The following CTNS variants were observed in gnomAD, a reference collection of about 807,000 sequenced individuals.
CTNS encodes the protein cystinosin, lysosomal cystine transporter, also known as cystinosin.
Under a neutral mutation model 43.7 loss-of-function variants are expected in CTNS, and 27 were observed. The observed-to-expected ratio is 0.62, with a 90% CI of 0.46 to 0.85. CTNS has a LOEUF of 0.85. Among genes scored for constraint, CTNS ranks in the 40% least tolerant of loss-of-function variants. The pLI is 0.00. For synonymous variants in CTNS, 187 were observed against 190.6 expected (o/e 0.98, Z 0.16); for missense variants, 457 against 475.4 (o/e 0.96, Z 0.36).
intron 4 of CTNS, 23 bp downstream of exon 4, chr17:3,647,545 G>A (rs747371532): frequency 5.6e-6 from 9 of 1,611,146 alleles, no homozygotes; most frequent in Non-Finnish European, 2.5e-6. Flanking sequence ...GCCTGGCGCT[G>A]TGCTCAGCTC....
At position 3,660,615 on chromosome 17, in the gene CTNS, A is replaced by G; in HGVS notation, c.*246A>G. ...TTGACACCGCCATCTCTTTTCTTTA[A>G]GGCTTCAGGCAGCGCGCACAGGCTC... On this transcript the variant is annotated 3_prime_UTR_variant, in exon 12 of 12. Transcript: ENST00000046640. 6.2e-7 allele frequency: 1 copy of G among 1,613,476 alleles called. No homozygotes were observed. The highest frequency in any genetic ancestry group is 8.5e-7 in the Non-Finnish European group (1 of 1,180,030).
rs1265750666 is a variant in CTNS, at chr17:3,662,978, CT to C, written c.*2611del. On this transcript the variant is annotated 3_prime_UTR_variant, in exon 12 of 12. Transcript: ENST00000046640. ...CGGTAACCAAAGTAAGGCTTGTGCA[CT>C]TGCTGAGCTTCCAGATGCGAATTAG... 6.6e-6 allele frequency: 1 copy of C among 152,202 alleles called. No homozygotes were observed. The highest frequency in any genetic ancestry group is 1.5e-5 in the Non-Finnish European group (1 of 68,036). The allele number at this position is 152,202 out of a possible 1,614,324, so 9.4% of individuals were successfully genotyped here. A position where few individuals can be genotyped will look rare whatever the true frequency, so the allele number is the denominator to read the frequency against.
At chr17:3,655,550 C>A in intron 7 of CTNS, 198 bp downstream of exon 7, 1 of 696,882 alleles carries the variant, frequency 1.4e-6, no homozygotes, top group South Asian at 1.7e-5. Context: ...CCTTGCCCAG[C>A]TCAGCCCCTC....
In CTNS at chr17:3,660,246, G is replaced by T. The variant is rs779967932; in HGVS notation, c.981G>T (p.Thr327=). 5 of 1,614,240 alleles carry T rather than the reference G, an allele frequency of 3.1e-6. No individual in the cohort carries two copies. In the South Asian group the frequency reaches 5.5e-5, roughly 18 times the overall value. ...CCCGGCTGCTAACAGACCAGTGGAC[G>T]CTGATCTTCGGAGACCCAACCAAGT... ...FLQSYNNDQW[T]LIFGDPTKFG... The change falls in exon 12 of 12, where the codon ACG becomes ACT. Residue 327 remains threonine (T), a synonymous_variant. Coordinates refer to ENST00000046640, the MANE Select transcript of CTNS (RefSeq NM_004937.3).
chr17:3,660,505 C>T lies in CTNS; in HGVS notation c.*136C>T. The T allele has an allele frequency of 6.2e-7, 1 of 1,612,476 alleles. No homozygotes were observed. The highest frequency in any genetic ancestry group is 1.1e-5 in the South Asian group (1 of 90,870). ...TGTGCGGACAGAGGAGACCACTCTG[C>T]TCCTGGGGCCAGAGGCCATTCAATA... On this transcript the variant is annotated 3_prime_UTR_variant, in exon 12 of 12. Coordinates refer to ENST00000046640, the MANE Select transcript of CTNS (RefSeq NM_004937.3).
chr17:3,639,438 C>T (rs1049607430), intron 2 of CTNS, among the ~76,000 whole-genome samples: 3 of 152,036 alleles, frequency 2.0e-5, no homozygotes, highest in Non-Finnish European at 2.9e-5. Flanking sequence ...GAGGCTGAGG[C>T]GGGCGGATCA....
chr17:3,642,596 A>G (rs1450859240), intron 3 of CTNS, among the ~76,000 whole-genome samples: 4 of 152,158 alleles, frequency 2.6e-5, no homozygotes, highest in African/African-American at 7.2e-5. Context: ...CTGAGGTAGG[A>G]GAATCGCTTG....
chr17:3,644,979 T>G (rs949802667), intron 3 of CTNS, among the ~76,000 whole-genome samples: 2 of 152,188 alleles, frequency 1.3e-5, no homozygotes, highest in Non-Finnish European at 2.9e-5. Context: ...CCACTACCTC[T>G]GGCAGAGCCC....
Position 3,660,285 on chromosome 17 carries a change from C to G in CTNS, c.1020C>G (p.Val340=), listed in dbSNP as rs759909683. The G allele has an allele frequency of 2.3e-5, 37 of 1,614,118 alleles. No homozygotes were observed. Among genetic ancestry groups the G allele is most frequent in the Non-Finnish European group, 3.1e-5 (36 of 1,180,048 alleles). ...ACCCAACCAAGTTTGGACTCGGGGT[C>G]TTCTCCATCGTCTTCGACGTCGTCT... ...FGDPTKFGLG[V]FSIVFDVVFF... Residue 340 remains valine (V), a synonymous_variant, in exon 12 of 12, where the codon GTC becomes GTG. Coordinates refer to ENST00000046640, the MANE Select transcript of CTNS (RefSeq NM_004937.3).
rs768340283 is a variant in CTNS at position 3,658,092 on chromosome 17, G to C, written c.769G>C (p.Val257Leu). 1 of 1,612,318 alleles carries C rather than the reference G, an allele frequency of 6.2e-7. No individual in the cohort carries two copies. Among genetic ancestry groups the C allele is most frequent in the East Asian group, 2.2e-5 (1 of 44,884 alleles). The change falls in exon 10 of 12, where the codon GTG (valine) becomes CTG (leucine). Residue 257 changes from valine to leucine, a missense_variant. By Grantham distance (32) the Val-to-Leu change is conservative. Coordinates refer to ENST00000046640, the MANE Select transcript of CTNS (RefSeq NM_004937.3). The stretch of plus-strand genomic sequence containing the variant: ...ATTTGTCACCATGATCGTGGCTGCA[G>C]TGGGAGTGACCACGTGGCTGCAGTT... Reference protein sequence around the residue: ...FAFVTMIVAAVGVTTWLQFLF... With the variant: ...FAFVTMIVAALGVTTWLQFLF...
At chr17:3,646,993 T>C (rs765618749) in intron 3 of CTNS, among the ~76,000 whole-genome samples, 16 of 152,184 alleles carry the variant, frequency 1.1e-4, no homozygotes, top group Non-Finnish European at 2.1e-4. Flanking sequence ...TGTGTCTCTC[T>C]GAGAGTGCAG....
At chr17:3,650,164 C>G in intron 5 of CTNS, 2 of 1,549,800 alleles carry the variant, frequency 1.3e-6, no homozygotes, top group Non-Finnish European at 1.7e-6. Flanking sequence ...TCAATGATAC[C>G]TTAATAAAGC....
rs2076262171 is a variant in CTNS at position 3,660,660 on chromosome 17, G to T, written c.*291G>T. ...AGGCTCTGGCAGCCGTCTCAGGCAG[G>T]ACTGGGCACCAAGCTTGCAGCCGAA... is the stretch of plus-strand genomic sequence containing the variant. On this transcript the variant is annotated 3_prime_UTR_variant, in exon 12 of 12. Coordinates refer to ENST00000046640, the MANE Select transcript of CTNS (RefSeq NM_004937.3). The T allele has an allele frequency of 6.2e-7, 1 of 1,613,516 alleles. No individual in the cohort carries two copies. Among genetic ancestry groups the T allele is most frequent in the South Asian group, 1.1e-5 (1 of 91,094 alleles).
rs543535636 is a variant in CTNS, at chr17:3,638,650, C to A, written c.-20+1334C>A. Among the ~76,000 whole-genome samples the A allele has an allele frequency of 1.6e-4, 24 of 152,316 alleles. No individual in the cohort carries two copies. The South Asian group carries it at 2.7e-3, about 17-fold the overall frequency. ...TTTGAGGCTTGGGAATGTTTGCTGA[C>A]CAAGTCTGTGAGTTTGAGAAGCTGG... is the stretch of plus-strand genomic sequence containing the variant. On this transcript the variant is annotated intron_variant, in intron 2 of 11. Transcript: ENST00000046640.
At position 3,660,529 on chromosome 17, in the gene CTNS, T is replaced by C. The variant is rs202221738; in HGVS notation, c.*160T>C. 16 of 1,612,516 alleles carry C rather than the reference T, an allele frequency of 9.9e-6. No individual in the cohort carries two copies. The highest frequency in any genetic ancestry group is 6.6e-5 in the South Asian group (6 of 90,970). On this transcript the variant is annotated 3_prime_UTR_variant, in exon 12 of 12. Transcript: ENST00000046640. ...GCTCCTGGGGCCAGAGGCCATTCAA[T>C]AGCCTGCCTTCGTCCGGGCCCCTCC... is the stretch of plus-strand genomic sequence containing the variant.
chr17:3,657,168 G>A (rs2076169788), intron 9 of CTNS, among the ~76,000 whole-genome samples: 1 of 152,116 alleles, frequency 6.6e-6, no homozygotes, highest in Non-Finnish European at 1.5e-5. Flanking sequence ...CTCCAAGGAT[G>A]AGTGAAGTTC....
intron 3 of CTNS, among the ~76,000 whole-genome samples, chr17:3,640,983 T>A (rs1489184989): frequency 6.6e-6 from 1 of 151,984 alleles, no homozygotes; most frequent in Non-Finnish European, 1.5e-5. Flanking sequence ...TGGGAAACAC[T>A]GGGGAAGCAG....
At chr17:3,649,695 G>A (rs887666511) in intron 5 of CTNS, among the ~76,000 whole-genome samples, 4 of 152,114 alleles carry the variant, frequency 2.6e-5, no homozygotes, top group Admixed American at 6.5e-5. Flanking sequence ...GCCAGAGGCC[G>A]TGTGATCTAA....
At chr17:3,643,667 A>G (rs1402768614) in intron 3 of CTNS, among the ~76,000 whole-genome samples, 1 of 152,086 alleles carries the variant, frequency 6.6e-6, no homozygotes, top group African/African-American at 2.4e-5. Flanking sequence ...CCCGGGTTCA[A>G]GCGATTCTAG....
Sources: gnomAD v4.1 joint callset for allele counts (sites outside exome capture counted in the v4.1 genomes callset) on GRCh38, gnomAD v4.1.1 for gene constraint, MANE v1.5 for transcripts, NCBI Gene and HGNC (gene_info 2026-07-23, HGNC 2026-07-21) for gene names.